Variants in HECW1 observed in about 807,000 individuals in gnomAD.
HECW1 encodes HECT, C2 and WW domain containing E3 ubiquitin protein ligase 1, also known as E3 ubiquitin-protein ligase HECW1.
A neutral mutation model predicts 182.3 loss-of-function variants in HECW1; 61 were observed. That is an observed-to-expected ratio of 0.33 (90% CI 0.27 to 0.41). The LOEUF (loss-of-function observed/expected upper bound fraction) is 0.41, where lower values mean the gene tolerates loss of function less well. Ranked by LOEUF, HECW1 falls within the 10% of genes least tolerant of loss-of-function variation. The probability of loss-of-function intolerance (pLI) is 1.00; values close to 1 mark genes in which losing one functional copy is unlikely to be tolerated. For missense variants in HECW1, 1,739 were observed against 2,108.9 expected, an observed-to-expected ratio of 0.82 and a Z score of 3.44; for synonymous variants, 859 against 832.6, an observed-to-expected ratio of 1.03 and a Z score of -0.55.
At chr7:43,523,213 G>GGT (rs142990359) in intron 24 of HECW1, 3,275 of 220,072 alleles carry the variant, frequency 0.015, 127 homozygotes, top group African/African-American at 0.078. Flanking sequence ...CATGTTGGCC[G>GGT]GGGGGGGTCT....
In HECW1 at chr7:43,396,716, G is replaced by C; in HGVS notation, c.556-98G>C. The C allele has an allele frequency of 2.5e-6, 2 of 790,004 alleles. 1 individual carries two copies. Among genetic ancestry groups the C allele is most frequent in the Middle Eastern group, 7.3e-4 (2 of 2,748 alleles). 48.9% of individuals were successfully genotyped at this position (790,004 alleles called of 1,614,324 possible). A position where few individuals can be genotyped will look rare whatever the true frequency, so the allele number is the denominator to read the frequency against. ...GAAATCACTGTCTTCGTTGCCTGTAGCTGGTAAAATCACTGTGAATAACCA... is the reference window on the plus strand; with the variant it reads ...GAAATCACTGTCTTCGTTGCCTGTACCTGGTAAAATCACTGTGAATAACCA... On this transcript the variant is annotated intron_variant, in intron 6 of 29. Transcript: ENST00000395891.
chr7:43,524,171 TCAC>T (rs773806038), intron 24 of HECW1, among the ~76,000 whole-genome samples: 22 of 152,052 alleles, frequency 1.4e-4, no homozygotes, highest in Non-Finnish European at 2.9e-4. Flanking sequence ...AATGGAAGGG[TCAC>T]CACCACCTTT....
At chr7:43,536,254 T>C (rs2081174265) in intron 24 of HECW1, among the ~76,000 whole-genome samples, 1 of 152,236 alleles carries the variant, frequency 6.6e-6, no homozygotes, top group Non-Finnish European at 1.5e-5. Flanking sequence ...TAGAAAAATA[T>C]GCTTTATGTG....
chr7:43,245,486 T>A (rs1001144206), intron 3 of HECW1: 6 of 152,208 alleles, frequency 3.9e-5, no homozygotes, highest in African/African-American at 1.2e-4. Flanking sequence ...CCAGGACTAG[T>A]GTCCTTGGGA....
intron 11 of HECW1, among the ~76,000 whole-genome samples, chr7:43,448,754 G>C (rs907004736): frequency 6.6e-6 from 1 of 152,128 alleles, no homozygotes; most frequent in Non-Finnish European, 1.5e-5. Flanking sequence ...TAATATGCAA[G>C]GCAACCTATC....
rs1365437457 is a variant in HECW1, at chr7:43,394,648, G to A, written c.556-2166G>A. On this transcript the variant is annotated intron_variant, in intron 6 of 29. Transcript: ENST00000395891. ...CCAATGGTCTAGATCTGGGCATCTG[G>A]TGAGTTTCAGTCCCTCACCTGAGAG... Among the ~76,000 whole-genome samples, 6 of 152,298 alleles carry A rather than the reference G, an allele frequency of 3.9e-5. 1 individual carries two copies. The highest frequency in any genetic ancestry group is 3.4e-3 in the Middle Eastern group (1 of 294).
At chr7:43,407,470 C>A in intron 7 of HECW1, 92 bp from the exon 8 acceptor site, 1 of 907,364 alleles carries the variant, frequency 1.1e-6, no homozygotes, top group Non-Finnish European at 1.7e-6. Context: ...TTCATAAGGG[C>A]CAATGGTCCT....
intron 26 of HECW1, among the ~76,000 whole-genome samples, chr7:43,547,286 T>C (rs932911066): frequency 1.3e-5 from 2 of 152,156 alleles, no homozygotes; most frequent in Admixed American, 1.3e-4. Context: ...TGGTGGCTCA[T>C]GCCTGTAATC....
intron 2 of HECW1, among the ~76,000 whole-genome samples, chr7:43,200,062 A>T (rs1047212819): frequency 2.6e-5 from 4 of 152,220 alleles, no homozygotes; most frequent in Admixed American, 6.5e-5. Context: ...ACAGAAAATT[A>T]CTTTTAAGGT....
At chr7:43,339,163 G>A (rs1008484877) in intron 5 of HECW1, among the ~76,000 whole-genome samples, 4 of 152,012 alleles carry the variant, frequency 2.6e-5, no homozygotes, top group South Asian at 2.1e-4. Context: ...TTTATCCTAC[G>A]GCTTATCCTG....
rs1432647474 is a variant in HECW1 at position 43,561,963 on chromosome 7, G to C, written c.*37G>C. ...CTCGCCTGACATTTTCCTGGCCAGT[G>C]ACATCACCCTTCCTGGGATGATCCC... On this transcript the variant is annotated 3_prime_UTR_variant, in exon 30 of 30. Coordinates refer to ENST00000395891, the MANE Select transcript of HECW1 (RefSeq NM_015052.5). 3 of 1,175,898 alleles carry C rather than the reference G, an allele frequency of 2.6e-6. No individual in the cohort carries two copies. The highest frequency in any genetic ancestry group is 3.8e-6 in the Non-Finnish European group (3 of 781,180). The allele number at this position is 1,175,898 out of a possible 1,614,324, so 72.8% of individuals were successfully genotyped here.
At chr7:43,256,623 A>G (rs969031564) in intron 3 of HECW1, among the ~76,000 whole-genome samples, 9 of 151,962 alleles carry the variant, frequency 5.9e-5, no homozygotes, top group African/African-American at 9.6e-5. Context: ...AAAAAAAAAA[A>G]AAAGAAAAGA....
chr7:43,479,062 G>A (rs974933420), intron 16 of HECW1, among the ~76,000 whole-genome samples: 15 of 151,934 alleles, frequency 9.9e-5, no homozygotes, highest in South Asian at 2.1e-4. Context: ...ATTTTTCCAC[G>A]GATGGGAGGG....
intron 8 of HECW1, among the ~76,000 whole-genome samples, chr7:43,422,878 G>C (rs1031159015): frequency 6.6e-6 from 1 of 151,500 alleles, no homozygotes; most frequent in Non-Finnish European, 1.5e-5. Flanking sequence ...GAGATAAATC[G>C]CAGTGCCTGG....
At chr7:43,195,708 T>C (rs1794395828) in intron 2 of HECW1, among the ~76,000 whole-genome samples, 1 of 152,176 alleles carries the variant, frequency 6.6e-6, no homozygotes, top group African/African-American at 2.4e-5. Flanking sequence ...GGGAGATTTA[T>C]TTGCAAAACA....
intron 2 of HECW1, among the ~76,000 whole-genome samples, chr7:43,218,154 C>T (rs1796603369): frequency 6.6e-6 from 1 of 152,194 alleles, no homozygotes; most frequent in Admixed American, 6.5e-5. Flanking sequence ...GATAGTTCAT[C>T]TTGTATTTTT....
intron 7 of HECW1, among the ~76,000 whole-genome samples, chr7:43,402,303 C>G (rs1478097433): frequency 6.6e-6 from 1 of 152,228 alleles, no homozygotes; most frequent in Admixed American, 6.5e-5. Flanking sequence ...ACACCCTCCC[C>G]TAGATGCTAC....
At chr7:43,311,640 C>T (rs576966239) in intron 3 of HECW1, 123 bp from the exon 4 acceptor site, 2 of 884,998 alleles carry the variant, frequency 2.3e-6, no homozygotes, top group African/African-American at 3.3e-5. Context: ...TGTTTCATAT[C>T]TGCCCAGCAG....
chr7:43,195,298 G>A (rs915574464), intron 2 of HECW1, among the ~76,000 whole-genome samples: 5 of 152,252 alleles, frequency 3.3e-5, no homozygotes, highest in Admixed American at 1.3e-4. Context: ...TGCACTGTGT[G>A]TGAGGTCGCA....
Sources: allele counts gnomAD v4.1 joint callset (sites outside exome capture counted in the v4.1 genomes callset), GRCh38; gene constraint gnomAD v4.1.1; transcripts MANE v1.5; gene names NCBI Gene and HGNC (gene_info 2026-07-23, HGNC 2026-07-21).